EDIL3: variants seen among roughly 807,000 people sequenced by gnomAD.
EDIL3 encodes the protein EGF like and discoidin domains 3, also known as EGF-like repeat and discoidin I-like domain-containing protein 3.
EDIL3 carries 37 observed loss-of-function variants against 67.4 expected under a neutral mutation model. That is an observed-to-expected ratio of 0.55 (90% confidence interval 0.42 to 0.72). The LOEUF is 0.72. Ranked by LOEUF, EDIL3 falls within the 30% of genes least tolerant of loss-of-function variation. The probability of loss-of-function intolerance (pLI) is 0.00; values close to 1 mark genes in which losing one functional copy is unlikely to be tolerated. For missense variants in EDIL3, 527 were observed against 586.3 expected (o/e 0.90, Z 1.04); for synonymous variants, 195 against 196.3 (o/e 0.99, Z 0.05).
intron 4 of EDIL3, among the ~76,000 whole-genome samples, chr5:84,153,895 A>C (rs1748444072): frequency 6.6e-6 from 1 of 152,168 alleles, no homozygotes; most frequent in Non-Finnish European, 1.5e-5. Context: ...TACGATACTC[A>C]TGTATTTATT....
chr5:84,179,409 T>C (rs551849738), intron 4 of EDIL3, among the ~76,000 whole-genome samples: 4 of 152,162 alleles, frequency 2.6e-5, no homozygotes, highest in African/African-American at 9.7e-5. Flanking sequence ...CACACGCCCA[T>C]GCACTACAAT....
chr5:83,979,330 TAAC>T (rs1409515757), intron 9 of EDIL3, among the ~76,000 whole-genome samples: 2 of 152,106 alleles, frequency 1.3e-5, no homozygotes, highest in Non-Finnish European at 2.9e-5. Context: ...CAAATTGGCT[TAAC>T]AACTTCGTAG....
chr5:84,239,813 C>T (rs1744761410), intron 2 of EDIL3, among the ~76,000 whole-genome samples: 1 of 152,162 alleles, frequency 6.6e-6, no homozygotes, highest in South Asian at 2.1e-4. Flanking sequence ...AGCAAAGAAT[C>T]TAGTTTGCAT....
At chr5:84,208,746 G>A (rs1394416079) in intron 3 of EDIL3, among the ~76,000 whole-genome samples, 27 of 150,544 alleles carry the variant, frequency 1.8e-4, no homozygotes, top group Admixed American at 5.3e-4. Flanking sequence ...AGAGGATGTG[G>A]AGAAATAGGA....
chr5:84,205,837 AT>A (rs1288515681), intron 3 of EDIL3, among the ~76,000 whole-genome samples: 7 of 150,830 alleles, frequency 4.6e-5, no homozygotes, highest in African/African-American at 1.7e-4. Context: ...CGGTCTATCA[AT>A]TTTGTTGATC....
chr5:84,333,051 A>G (rs1418358472), intron 1 of EDIL3, among the ~76,000 whole-genome samples: 5 of 152,188 alleles, frequency 3.3e-5, no homozygotes, highest in Non-Finnish European at 7.4e-5. Flanking sequence ...ACACAGCTAG[A>G]TAGATAAAAT....
chr5:84,349,147 C>G (rs907795129), intron 1 of EDIL3, among the ~76,000 whole-genome samples: 2 of 152,098 alleles, frequency 1.3e-5, no homozygotes, highest in Non-Finnish European at 2.9e-5. Context: ...ATAAACATGT[C>G]TTGCTACAAT....
At chr5:84,364,415 A>G (rs1342223048) in intron 1 of EDIL3, among the ~76,000 whole-genome samples, 1 of 152,192 alleles carries the variant, frequency 6.6e-6, no homozygotes, top group African/African-American at 2.4e-5. Flanking sequence ...TACATGCTAC[A>G]GATGCAGAGT....
intron 1 of EDIL3, among the ~76,000 whole-genome samples, chr5:84,262,858 A>G (rs1745262891): frequency 6.6e-6 from 1 of 151,358 alleles, no homozygotes; most frequent in East Asian, 1.9e-4. Flanking sequence ...TTTAGTAGAT[A>G]TGGGGTTTCA....
intron 5 of EDIL3, among the ~76,000 whole-genome samples, chr5:84,115,793 T>C (rs1747653492): frequency 6.6e-6 from 1 of 152,166 alleles, no homozygotes; most frequent in African/African-American, 2.4e-5. Context: ...AAAACATATA[T>C]CTACATAGGA....
rs552827732 is a variant in EDIL3 at position 84,112,438 on chromosome 5, G to A, written c.470-5608C>T. Reference sequence around the variant, plus strand: ...TCAAAGGGTCCAGAGAGCAAACATAGGTGTTTCCTTTCATTGAGATTGGCC... The same window carrying A: ...TCAAAGGGTCCAGAGAGCAAACATAAGTGTTTCCTTTCATTGAGATTGGCC... On this transcript the variant is annotated intron_variant, in intron 5 of 10. Transcript: ENST00000296591. 4.6e-5 allele frequency among the ~76,000 whole-genome samples: 7 copies of A among 152,302 alleles called. No individual in the cohort carries two copies. In the East Asian group the frequency reaches 1.2e-3, roughly 25 times the overall value.
At chr5:84,152,599 A>G (rs933868562) in intron 4 of EDIL3, among the ~76,000 whole-genome samples, 1 of 152,212 alleles carries the variant, frequency 6.6e-6, no homozygotes, top group African/African-American at 2.4e-5. Flanking sequence ...AGTAAATAGT[A>G]AGTGTAACAT....
intron 6 of EDIL3, among the ~76,000 whole-genome samples, chr5:84,100,418 T>C (rs1194487616): frequency 6.6e-6 from 1 of 152,102 alleles, no homozygotes; most frequent in East Asian, 1.9e-4. Flanking sequence ...GTTCACATCC[T>C]TGGCAGGGAC....
rs964155885 is a variant in EDIL3, at chr5:83,996,909, C to G, written c.1138-33549G>C. Among the ~76,000 whole-genome samples the G allele has an allele frequency of 3.3e-5, 5 of 152,166 alleles. No individual in the cohort carries two copies. The South Asian group carries it at 1.0e-3, about 31-fold the overall frequency. On this transcript the variant is annotated intron_variant, in intron 9 of 10. Transcript: ENST00000296591. ...ATAAATGTGTATTTTAACCAGATCTCTAGGTAATTCATACATACATTTAAG... is the reference window on the plus strand; with the variant it reads ...ATAAATGTGTATTTTAACCAGATCTGTAGGTAATTCATACATACATTTAAG...
At chr5:84,272,863 G>A (rs1745504422) in intron 1 of EDIL3, among the ~76,000 whole-genome samples, 1 of 151,222 alleles carries the variant, frequency 6.6e-6, no homozygotes, top group African/African-American at 2.4e-5. Flanking sequence ...TTTTTTTCCT[G>A]GAAGCTGCCA....
intron 3 of EDIL3, among the ~76,000 whole-genome samples, chr5:84,225,251 T>C (rs1335871804): frequency 2.0e-5 from 3 of 151,656 alleles, no homozygotes; most frequent in Admixed American, 2.0e-4. Flanking sequence ...GAAATGCAGA[T>C]AAGATGTATC....
intron 3 of EDIL3, among the ~76,000 whole-genome samples, chr5:84,212,638 T>G (rs1012725019): frequency 5.3e-5 from 8 of 152,086 alleles, no homozygotes; most frequent in African/African-American, 1.9e-4. Flanking sequence ...ACCAGAGGTG[T>G]GTAAAAGGCT....
intron 1 of EDIL3, among the ~76,000 whole-genome samples, chr5:84,268,162 A>G (rs1745388748): frequency 6.6e-6 from 1 of 151,960 alleles, no homozygotes; most frequent in South Asian, 2.1e-4. Flanking sequence ...TAAATAAATA[A>G]ATAACAATAA....
chr5:84,313,287 T>C (rs1746442536), intron 1 of EDIL3, among the ~76,000 whole-genome samples: 1 of 152,216 alleles, frequency 6.6e-6, no homozygotes, highest in South Asian at 2.1e-4. Context: ...TAAGTCATCT[T>C]GCTATTATAG....
Sources: allele counts gnomAD v4.1 joint callset (sites outside exome capture counted in the v4.1 genomes callset), GRCh38; gene constraint gnomAD v4.1.1; transcripts MANE v1.5; gene names NCBI Gene and HGNC (gene_info 2026-07-23, HGNC 2026-07-21).